The following RAB8B variants were observed in gnomAD, a reference collection of about 807,000 sequenced individuals.
RAB8B encodes the protein RAB8B, member RAS oncogene family, also known as ras-related protein Rab-8B.
In RAB8B, 11 loss-of-function variants were observed where a neutral mutation model predicts 32.0. The ratio of observed to expected loss-of-function variants is 0.34; its 90% CI spans 0.22 to 0.57. The LOEUF (loss-of-function observed/expected upper bound fraction) is 0.57. Ranked by LOEUF, RAB8B falls within the 20% of genes least tolerant of loss-of-function variation. The pLI, the probability that RAB8B is intolerant of heterozygous loss-of-function variation, is 0.86. For synonymous variants in RAB8B, 103 were observed against 89.6 expected (o/e 1.15, Z -0.85); for missense variants, 190 against 258.5 (o/e 0.73, Z 1.82).
intron 3 of RAB8B, among the ~76,000 whole-genome samples, chr15:63,251,029 T>C (rs2038113081): frequency 3.3e-5 from 5 of 151,926 alleles, no homozygotes; most frequent in Admixed American, 3.3e-4. Flanking sequence ...CTCTCCAGTG[T>C]TGGAGTAGCA....
chr15:63,208,305 A>G (rs370923421), intron 1 of RAB8B, among the ~76,000 whole-genome samples: 2 of 152,234 alleles, frequency 1.3e-5, no homozygotes, highest in South Asian at 2.1e-4. Context: ...AGGCCCTTAC[A>G]TGAGAAGAAA....
intron 1 of RAB8B, among the ~76,000 whole-genome samples, chr15:63,232,782 C>A (rs1467471379): frequency 6.6e-6 from 1 of 152,060 alleles, no homozygotes; most frequent in Non-Finnish European, 1.5e-5. Context: ...TTGAACAAAG[C>A]TAAAATAAAC....
intron 1 of RAB8B, among the ~76,000 whole-genome samples, chr15:63,206,633 C>T (rs1264432903): frequency 6.6e-6 from 1 of 152,234 alleles, no homozygotes; most frequent in East Asian, 1.9e-4. Flanking sequence ...CCCCTCCTCT[C>T]CTCCGTCATC....
chr15:63,267,185 T>C lies in RAB8B; in HGVS notation c.*3566T>C, dbSNP rs760187810. 1.3e-5 allele frequency: 2 copies of C among 152,520 alleles called. No homozygotes were observed. Among genetic ancestry groups the C allele is most frequent in the Non-Finnish European group, 2.9e-5 (2 of 68,000 alleles). The allele number at this position is 152,520 out of a possible 1,614,324, so 9.4% of individuals were successfully genotyped here. A position where few individuals can be genotyped will look rare whatever the true frequency, so the allele number is the denominator to read the frequency against. ...CACAATTTTAGAGTAGAATAAGTCA[T>C]TTTTTTAGACTAATAAAATTAATGG... On this transcript the variant is annotated 3_prime_UTR_variant, in exon 8 of 8. Transcript: ENST00000321437.
intron 1 of RAB8B, among the ~76,000 whole-genome samples, chr15:63,242,838 G>A (rs1763132988): frequency 6.6e-6 from 1 of 151,428 alleles, no homozygotes; most frequent in South Asian, 2.1e-4. Flanking sequence ...ATGGAAGACA[G>A]TTTTTCCTCC....
rs763248326 is a variant in RAB8B at position 63,259,636 on chromosome 15, G to A, written c.424G>A (p.Asp142Asn). The A allele has an allele frequency of 6.2e-7, 1 of 1,613,190 alleles. No homozygotes were observed. The change falls in exon 6 of 8, where the codon GAC (aspartate) becomes AAC (asparagine). Residue 142 changes from aspartate (D) to asparagine (N), a missense_variant. This residue lies in a region of RAB8B where 110 missense variants were observed against 115.9 expected (regional missense o/e 0.95). Transcript: ENST00000321437. This position sits in a 1 kb window ranked among gnomAD's most constrained non-coding sequence, Gnocchi z 4.4. Reference sequence around the variant, plus strand: ...TCTGTTTACTTTTCAGCTAGCAATTGACTATGGGATTAAATTCTTGGAGAC... The same window carrying A: ...TCTGTTTACTTTTCAGCTAGCAATTAACTATGGGATTAAATTCTTGGAGAC... Reference protein sequence around the residue: ...SKERGEKLAIDYGIKFLETSA... With the variant: ...SKERGEKLAINYGIKFLETSA...
At chr15:63,193,174 A>G (rs2037572917) in intron 1 of RAB8B, among the ~76,000 whole-genome samples, 1 of 152,040 alleles carries the variant, frequency 6.6e-6, no homozygotes, top group East Asian at 1.9e-4. Flanking sequence ...TTATTACAGT[A>G]AGCTATGATT....
rs148599070 is a variant in RAB8B at position 63,230,776 on chromosome 15, G to A, written c.125-13980G>A. On this transcript the variant is annotated intron_variant, in intron 1 of 7. Transcript: ENST00000321437. ...AGTGGCACAATCATAGCTCACTGTA[G>A]CCTTGAACTCCTAGGCTCAAATGAT... is the stretch of plus-strand genomic sequence containing the variant. 6.0e-4 allele frequency among the ~76,000 whole-genome samples: 91 copies of A among 152,248 alleles called. 1 individual carries two copies. The East Asian group carries it at 0.013, about 22-fold the overall frequency.
At chr15:63,238,976 T>C (rs2141132799) in intron 1 of RAB8B, among the ~76,000 whole-genome samples, 1 of 152,252 alleles carries the variant, frequency 6.6e-6, no homozygotes, top group East Asian at 1.9e-4. Context: ...AAATAATCTC[T>C]TTTCTTCTGG....
chr15:63,260,750 CTG>C lies in RAB8B; in HGVS notation c.480+1059_480+1060del, dbSNP rs1204989571. On this transcript the variant is annotated intron_variant, in intron 6 of 7. Transcript: ENST00000321437. ...TTTTTTTTAAAAAACATTTTTTCAA[CTG>C]ATCATAAAAATAATACGTGTAATTT... Among the ~76,000 whole-genome samples, 26 of 151,552 alleles carry C rather than the reference CTG, an allele frequency of 1.7e-4. 1 individual carries two copies. The highest frequency in any genetic ancestry group is 1.7e-3 in the Admixed American group (26 of 15,224).
intron 1 of RAB8B, among the ~76,000 whole-genome samples, chr15:63,231,462 C>T (rs187510708): frequency 6.7e-6 from 1 of 149,518 alleles, no homozygotes; most frequent in Non-Finnish European, 1.5e-5. Context: ...ATAGCAATAG[C>T]GCCTTAGTAC....
chr15:63,227,084 C>G (rs2037894912), intron 1 of RAB8B, among the ~76,000 whole-genome samples: 1 of 152,122 alleles, frequency 6.6e-6, no homozygotes, highest in Non-Finnish European at 1.5e-5. Flanking sequence ...TTAGGGCAAA[C>G]TGTTTTATCA....
intron 2 of RAB8B, 62 bp from the exon 3 acceptor site, chr15:63,249,583 G>A: frequency 6.7e-7 from 1 of 1,483,488 alleles, no homozygotes; most frequent in South Asian, 1.2e-5. Flanking sequence ...CTACAGCAGG[G>A]TTTCTCCTCA....
intron 5 of RAB8B, among the ~76,000 whole-genome samples, chr15:63,258,114 T>A (rs530494281): frequency 1.4e-4 from 21 of 148,850 alleles, no homozygotes; most frequent in South Asian, 2.2e-4. Context: ...TTTTTTTTTT[T>A]ATTTGAGATG....
chr15:63,263,476 T>G (rs2038218332), intron 7 of RAB8B, 51 bp from the exon 8 acceptor site: 2 of 1,434,978 alleles, frequency 1.4e-6, no homozygotes, highest in African/African-American at 1.4e-5. Flanking sequence ...GTAACTGAGG[T>G]CAAACCATGA....
intron 1 of RAB8B, among the ~76,000 whole-genome samples, chr15:63,228,332 A>G (rs2037906550): frequency 6.6e-6 from 1 of 152,200 alleles, no homozygotes; most frequent in Non-Finnish European, 1.5e-5. Context: ...AGCTCACTTT[A>G]TTAAAACTTG....
In RAB8B at chr15:63,259,478, A is replaced by G. The variant is rs1254126527; in HGVS notation, c.415-149A>G. On this transcript the variant is annotated intron_variant, in intron 5 of 7. Transcript: ENST00000321437. The surrounding 1 kb of genome is among the most constrained non-coding windows in gnomAD (Gnocchi z 4.4). ...TAAGTTAAATTATTAAATTCTGAAT[A>G]CAGTAGAAGAAAGCAAAGAAATTTG... The G allele has an allele frequency of 3.2e-6, 2 of 615,778 alleles. No homozygotes were observed. The highest frequency in any genetic ancestry group is 5.9e-5 in the Admixed American group (2 of 33,788). The allele number at this position is 615,778 out of a possible 1,614,324, so 38.1% of individuals were successfully genotyped here.
intron 1 of RAB8B, among the ~76,000 whole-genome samples, chr15:63,201,930 C>A (rs950470687): frequency 6.6e-6 from 1 of 151,848 alleles, no homozygotes; most frequent in Non-Finnish European, 1.5e-5. Flanking sequence ...TGGGCACTTA[C>A]CCATAGGACC....
chr15:63,189,810 G>C, intron 1 of RAB8B, 62 bp downstream of exon 1: 2 of 1,339,206 alleles, frequency 1.5e-6, no homozygotes, highest in Middle Eastern at 2.2e-4. Context: ...CTAGGGGACG[G>C]GGAAAGGGCG....
Sources: gnomAD v4.1 joint callset for allele counts (sites outside exome capture counted in the v4.1 genomes callset) on GRCh38, gnomAD v4.1.1 for gene constraint, gnomAD v4.1.1 regional missense constraint, Gnocchi (gnomAD v3.1) non-coding constraint, MANE v1.5 for transcripts, NCBI Gene and HGNC (gene_info 2026-07-23, HGNC 2026-07-21) for gene names.